Variants in NAV3 observed in about 807,000 individuals in gnomAD.
The protein encoded by NAV3 is neuron navigator 3, also known as pore membrane and/or filament interacting like protein 1.
Under a neutral mutation model 244.7 loss-of-function variants are expected in NAV3, and 87 were observed. That is an observed-to-expected ratio of 0.36 (90% CI 0.30 to 0.42). The LOEUF is 0.42. Among genes scored for constraint, NAV3 ranks in the 20% least tolerant of loss-of-function variants. The pLI, the probability that NAV3 is intolerant of heterozygous loss-of-function variation, is 1.00. For synonymous variants in NAV3, 1,126 were observed against 1,042.2 expected (o/e 1.08, Z -1.55); for missense variants, 2,663 against 2,893.3 (o/e 0.92, Z 1.83).
intron 1 of NAV3, among the ~76,000 whole-genome samples, chr12:77,913,049 A>T (rs1886768437): frequency 6.6e-6 from 1 of 152,024 alleles, no homozygotes; most frequent in Admixed American, 6.6e-5. Flanking sequence ...GTTTTGTTTG[A>T]GTAGCTTCCA....
At chr12:77,620,680 T>TTGA (rs975477800) in intron 2 of NAV3, among the ~76,000 whole-genome samples, 3 of 152,118 alleles carry the variant, frequency 2.0e-5, no homozygotes, top group Non-Finnish European at 4.4e-5. Flanking sequence ...CAGGCTGGTC[T>TTGA]TGAACGCCTG....
At chr12:77,606,506 C>A (rs1419924896) in intron 2 of NAV3, among the ~76,000 whole-genome samples, 1 of 152,126 alleles carries the variant, frequency 6.6e-6, no homozygotes, top group African/African-American at 2.4e-5. Flanking sequence ...TTTTCTGCTA[C>A]AATGTGAGTA....
intron 2 of NAV3, among the ~76,000 whole-genome samples, chr12:77,823,889 C>T (rs902911598): frequency 6.6e-6 from 1 of 151,922 alleles, no homozygotes; most frequent in African/African-American, 2.4e-5. Flanking sequence ...GGTAGAAAAA[C>T]AAATGTGATA....
chr12:77,636,409 G>A (rs1287370139), intron 2 of NAV3, among the ~76,000 whole-genome samples: 1 of 149,614 alleles, frequency 6.7e-6, no homozygotes, highest in Non-Finnish European at 1.5e-5. Flanking sequence ...AGGTTGCAGT[G>A]AGCCGAGATT....
At chr12:77,588,656 A>G (rs1869758183) in intron 2 of NAV3, among the ~76,000 whole-genome samples, 3 of 152,284 alleles carry the variant, frequency 2.0e-5, no homozygotes, top group Admixed American at 2.0e-4. Flanking sequence ...AGTGCAGACT[A>G]TCTACTGTGT....
At chr12:78,095,022 G>A (rs867047501) in intron 12 of NAV3, among the ~76,000 whole-genome samples, 56 of 145,628 alleles carry the variant, frequency 3.8e-4, no homozygotes, top group Admixed American at 7.7e-4. Context: ...ACTCCAGCCC[G>A]GTGACAGAGA....
chr12:77,678,087 T>A (rs1028741976), intron 2 of NAV3, among the ~76,000 whole-genome samples: 116 of 152,314 alleles, frequency 7.6e-4, no homozygotes, highest in African/African-American at 2.5e-3. Flanking sequence ...ATTTAGCTTC[T>A]ATTTTAAGGC....
intron 12 of NAV3, among the ~76,000 whole-genome samples, chr12:78,078,388 T>A (rs1953165658): frequency 1.7e-5 from 1 of 60,376 alleles, no homozygotes; most frequent in Non-Finnish European, 3.5e-5. Context: ...TTTTTTTTTT[T>A]TTTTTTTTTT....
chr12:77,938,348 A>G (rs1477254524), intron 1 of NAV3, among the ~76,000 whole-genome samples: 2 of 152,164 alleles, frequency 1.3e-5, no homozygotes, highest in Non-Finnish European at 2.9e-5. Context: ...AAAATCATGT[A>G]TTTGTGTGCT....
At chr12:77,900,075 ATTTT>A (rs201444499) in intron 1 of NAV3, among the ~76,000 whole-genome samples, 3 of 127,284 alleles carry the variant, frequency 2.4e-5, no homozygotes, top group Admixed American at 8.0e-5. Flanking sequence ...ATTGTTCTCA[ATTTT>A]TTTTTTTTTT....
At chr12:78,006,306 A>G in intron 7 of NAV3, 113 bp from the exon 8 acceptor site, 1 of 940,988 alleles carries the variant, frequency 1.1e-6, no homozygotes, top group Non-Finnish European at 1.6e-6. Context: ...GTCTCTTTTC[A>G]GTTCAGAGGA....
At chr12:78,150,157 T>C (rs916234640) in intron 22 of NAV3, among the ~76,000 whole-genome samples, 1 of 152,046 alleles carries the variant, frequency 6.6e-6, no homozygotes, top group Non-Finnish European at 1.5e-5. Flanking sequence ...TGTATAGAAG[T>C]ATGAAATATT....
chr12:78,134,425 T>C (rs1565702003), intron 18 of NAV3, among the ~76,000 whole-genome samples: 2 of 152,198 alleles, frequency 1.3e-5, no homozygotes, highest in Non-Finnish European at 2.9e-5. Context: ...CAAATAAAAT[T>C]TTCCTGAATC....
At chr12:77,728,649 A>G (rs1647571826) in intron 2 of NAV3, among the ~76,000 whole-genome samples, 2 of 151,972 alleles carry the variant, frequency 1.3e-5, no homozygotes, top group African/African-American at 4.8e-5. Context: ...AGTACAGTAG[A>G]CAGAGTATCA....
chr12:77,683,206 G>A (rs371027851), intron 2 of NAV3, among the ~76,000 whole-genome samples: 4 of 152,068 alleles, frequency 2.6e-5, no homozygotes, highest in African/African-American at 7.2e-5. Flanking sequence ...TATAAGGTGA[G>A]GGTCTAATTT....
At chr12:77,789,336 A>T (rs1282681372) in intron 2 of NAV3, among the ~76,000 whole-genome samples, 2 of 151,956 alleles carry the variant, frequency 1.3e-5, no homozygotes, top group African/African-American at 4.8e-5. Flanking sequence ...ATGACACTCC[A>T]GCTACTACTG....
At chr12:77,893,473 T>G (rs993038017) in intron 1 of NAV3, among the ~76,000 whole-genome samples, 2 of 152,096 alleles carry the variant, frequency 1.3e-5, no homozygotes, top group Non-Finnish European at 2.9e-5. Context: ...AGAGTTGAAA[T>G]GCATAGAATA....
chr12:77,984,652 G>T lies in NAV3; in HGVS notation c.672-10151G>T, dbSNP rs189662103. ...GATGTGGGTAGGGCAGCTGGCTGTAGATTCCTTGCTATTAACCAATGTATT... is the reference window on the plus strand; with the variant it reads ...GATGTGGGTAGGGCAGCTGGCTGTATATTCCTTGCTATTAACCAATGTATT... On this transcript the variant is annotated intron_variant, in intron 5 of 39. Coordinates refer to ENST00000397909, the MANE Select transcript of NAV3 (RefSeq NM_001024383.2). Among the ~76,000 whole-genome samples, 2 of 152,090 alleles carry T rather than the reference G, an allele frequency of 1.3e-5. 1 individual carries two copies. The highest frequency in any genetic ancestry group is 4.1e-4 in the South Asian group (2 of 4,826).
intron 9 of NAV3, among the ~76,000 whole-genome samples, chr12:78,027,419 G>A (rs1330248569): frequency 1.3e-5 from 2 of 150,706 alleles, no homozygotes; most frequent in African/African-American, 2.5e-5. Flanking sequence ...ACTCAAGCCT[G>A]GGTGACAGAG....
Sources: gnomAD v4.1 joint callset for allele counts (sites outside exome capture counted in the v4.1 genomes callset) on GRCh38, gnomAD v4.1.1 for gene constraint, MANE v1.5 for transcripts, NCBI Gene and HGNC (gene_info 2026-07-23, HGNC 2026-07-21) for gene names.